The following GRID2 variants were observed in gnomAD, a reference collection of about 807,000 sequenced individuals.
GRID2 encodes the protein glutamate ionotropic receptor delta type subunit 2.
A neutral mutation model predicts 114.8 loss-of-function variants in GRID2; 33 were observed. The observed-to-expected ratio is 0.29, with a 90% confidence interval of 0.22 to 0.38. The LOEUF is 0.38. Among genes scored for constraint, GRID2 ranks in the 10% least tolerant of loss-of-function variants. GRID2 has a pLI of 1.00. For missense variants in GRID2, 1,184 were observed against 1,257.7 expected (o/e 0.94, Z 0.89); for synonymous variants, 505 against 449.9 (o/e 1.12, Z -1.55).
intron 2 of GRID2, among the ~76,000 whole-genome samples, chr4:92,801,191 C>T (rs1740148003): frequency 6.6e-6 from 1 of 152,006 alleles, no homozygotes; most frequent in Non-Finnish European, 1.5e-5. Flanking sequence ...AGACAACACA[C>T]TACGGGCTCT....
chr4:92,772,300 A>G (rs544868571), intron 2 of GRID2, among the ~76,000 whole-genome samples: 14 of 152,280 alleles, frequency 9.2e-5, no homozygotes, highest in African/African-American at 3.4e-4. Flanking sequence ...GACTAACTAC[A>G]TATCTCAATC....
At chr4:92,408,728 T>C (rs760321872) in intron 1 of GRID2, among the ~76,000 whole-genome samples, 2 of 152,028 alleles carry the variant, frequency 1.3e-5, no homozygotes, top group African/African-American at 2.4e-5. Context: ...TATTTCATTT[T>C]GTTTGTGACT....
chr4:93,395,576 GA>G, intron 8 of GRID2, 30 bp from the exon 9 acceptor site: 1 of 1,021,648 alleles, frequency 9.8e-7, no homozygotes, highest in East Asian at 2.4e-5. Context: ...TCTTCAGGCA[GA>G]AAAATGACCA....
chr4:92,516,799 C>T (rs367712085), intron 1 of GRID2, among the ~76,000 whole-genome samples: 1 of 151,828 alleles, frequency 6.6e-6, no homozygotes, highest in African/African-American at 2.4e-5. Context: ...CACTGGCTCT[C>T]GACACTCTCA....
At chr4:92,693,335 A>C (rs373151321) in intron 2 of GRID2, among the ~76,000 whole-genome samples, 1 of 152,198 alleles carries the variant, frequency 6.6e-6, no homozygotes, top group Admixed American at 6.5e-5. Flanking sequence ...TTAGAACTGT[A>C]GTGATTTCTA....
chr4:92,557,645 T>TTTA (rs1553949920), intron 1 of GRID2, among the ~76,000 whole-genome samples: 3 of 142,690 alleles, frequency 2.1e-5, no homozygotes, highest in Admixed American at 7.0e-5. Context: ...ATATATATGG[T>TTTA]TATATATATA....
chr4:92,445,338 A>G (rs1227085104), intron 1 of GRID2, among the ~76,000 whole-genome samples: 1 of 152,086 alleles, frequency 6.6e-6, no homozygotes, highest in African/African-American at 2.4e-5. Context: ...CTTTGCCTTC[A>G]CCCTTCAAGT....
intron 1 of GRID2, among the ~76,000 whole-genome samples, chr4:92,560,026 A>G (rs1372770040): frequency 6.6e-6 from 1 of 152,202 alleles, no homozygotes; most frequent in Non-Finnish European, 1.5e-5. Context: ...TATTATTAGA[A>G]TATCTTTGGC....
intron 13 of GRID2, among the ~76,000 whole-genome samples, chr4:93,529,756 A>C (rs1264450719): frequency 6.6e-6 from 1 of 152,112 alleles, no homozygotes; most frequent in Non-Finnish European, 1.5e-5. Flanking sequence ...ATTGATTGAA[A>C]AGTAGAGGTT....
chr4:92,628,582 T>TC (rs1730638681), intron 2 of GRID2, among the ~76,000 whole-genome samples: 1 of 152,156 alleles, frequency 6.6e-6, no homozygotes, highest in Non-Finnish European at 1.5e-5. Context: ...GGTCTCGAAC[T>TC]CCTGAGGAAA....
intron 2 of GRID2, among the ~76,000 whole-genome samples, chr4:92,975,156 C>CAAAAAAAAAAAATAAAA (rs1753786186): frequency 2.1e-5 from 1 of 46,692 alleles, no homozygotes; most frequent in African/African-American, 9.8e-5. Context: ...GATTCCGCCT[C>CAAAAAAAAAAAATAAAA]AAAAAAAAAA....
At chr4:93,680,386 C>G (rs1320129732) in intron 14 of GRID2, among the ~76,000 whole-genome samples, 2 of 151,664 alleles carry the variant, frequency 1.3e-5, no homozygotes, top group African/African-American at 2.4e-5. Flanking sequence ...TGAAGCTATT[C>G]CAATCAATAG....
At chr4:93,782,161 C>A (rs1734493761) in intron 1 of GRID2, among the ~76,000 whole-genome samples, 1 of 152,024 alleles carries the variant, frequency 6.6e-6, no homozygotes, top group Admixed American at 6.6e-5. Context: ...GACAGTGACT[C>A]AAATCGCTAT....
chr4:93,478,763 G>A (rs1725574535), intron 11 of GRID2, among the ~76,000 whole-genome samples: 2 of 152,022 alleles, frequency 1.3e-5, no homozygotes, highest in Admixed American at 6.6e-5. Context: ...ATATAAAAGT[G>A]GTGGAAAGAA....
At chr4:92,356,646 A>G (rs763664392) in intron 1 of GRID2, among the ~76,000 whole-genome samples, 1 of 151,776 alleles carries the variant, frequency 6.6e-6, no homozygotes, top group Non-Finnish European at 1.5e-5. Context: ...TTATGCATGT[A>G]TATATATCAT....
intron 2 of GRID2, among the ~76,000 whole-genome samples, chr4:92,646,587 T>G (rs1168172116): frequency 6.6e-6 from 1 of 152,328 alleles, no homozygotes; most frequent in East Asian, 1.9e-4. Flanking sequence ...TTATAACCCA[T>G]CCGGAATTAT....
chr4:93,682,129 C>G (rs1414818757), intron 14 of GRID2, among the ~76,000 whole-genome samples: 1 of 151,714 alleles, frequency 6.6e-6, no homozygotes, highest in African/African-American at 2.4e-5. Context: ...AGGATATGAA[C>G]AGACACTTCT....
intron 2 of GRID2, among the ~76,000 whole-genome samples, chr4:93,038,515 G>A (rs1011039300): frequency 6.6e-6 from 1 of 152,184 alleles, no homozygotes; most frequent in Non-Finnish European, 1.5e-5. Flanking sequence ...AACAGGCCAG[G>A]TGTGGTGGCT....
chr4:93,612,606 A>G (rs1368819014), intron 13 of GRID2, among the ~76,000 whole-genome samples: 1 of 96,680 alleles, frequency 1.0e-5, no homozygotes, highest in Non-Finnish European at 2.2e-5. Flanking sequence ...TCTGGGTTGA[A>G]AATTCTTTTC....
Sources: allele counts gnomAD v4.1 joint callset (sites outside exome capture counted in the v4.1 genomes callset), GRCh38; gene constraint gnomAD v4.1.1; transcripts MANE v1.5; gene names NCBI Gene and HGNC (gene_info 2026-07-23, HGNC 2026-07-21).